Variants in TMEFF1 observed in about 807,000 individuals in gnomAD.
TMEFF1 encodes the protein tomoregulin-1.
In TMEFF1, 20 loss-of-function variants were observed where a neutral mutation model predicts 47.5. The observed-to-expected ratio is 0.42, with a 90% CI of 0.30 to 0.61. TMEFF1 has a LOEUF of 0.61. Ranked by LOEUF, TMEFF1 falls within the 20% of genes least tolerant of loss-of-function variation. The pLI is 0.19. For missense variants in TMEFF1, 411 were observed against 471.1 expected, an observed-to-expected ratio of 0.87 and a Z score of 1.18; for synonymous variants, 162 against 166.3, an observed-to-expected ratio of 0.97 and a Z score of 0.20.
At chr9:100,569,963 G>T (rs1461933315) in intron 8 of TMEFF1, among the ~76,000 whole-genome samples, 1 of 152,102 alleles carries the variant, frequency 6.6e-6, no homozygotes, top group Non-Finnish European at 1.5e-5. Flanking sequence ...CCAGTCCCTG[G>T]TAACCACTAT....
intron 1 of TMEFF1, among the ~76,000 whole-genome samples, chr9:100,487,007 A>T (rs1385675299): frequency 6.6e-6 from 1 of 152,112 alleles, no homozygotes; most frequent in Non-Finnish European, 1.5e-5. Context: ...TAAACTGCTG[A>T]TGTTGCTGTA....
chr9:100,502,727 T>A (rs1837787861), intron 2 of TMEFF1, among the ~76,000 whole-genome samples: 1 of 152,188 alleles, frequency 6.6e-6, no homozygotes, highest in Non-Finnish European at 1.5e-5. Context: ...GAAATAGCCT[T>A]TTTGACGTTT....
At position 100,576,632 on chromosome 9, in the gene TMEFF1, T is replaced by C. The variant is rs766839400; in HGVS notation, c.*32T>C. ...GACTTTTATATGTACACTGACCATG[T>C]GATGTACATTTATTATGTCTTTTTT... On this transcript the variant is annotated 3_prime_UTR_variant, in exon 10 of 10. Coordinates refer to ENST00000374879, the MANE Select transcript of TMEFF1 (RefSeq NM_003692.5). 6.4e-7 allele frequency: 1 copy of C among 1,563,248 alleles called. No homozygotes were observed.
At chr9:100,487,525 A>G (rs1298142105) in intron 1 of TMEFF1, among the ~76,000 whole-genome samples, 1 of 152,156 alleles carries the variant, frequency 6.6e-6, no homozygotes, top group Non-Finnish European at 1.5e-5. Context: ...TGTGTTTACC[A>G]TTGTTTACTT....
chr9:100,481,023 C>T (rs1837329742), intron 1 of TMEFF1, among the ~76,000 whole-genome samples: 1 of 152,154 alleles, frequency 6.6e-6, no homozygotes, highest in African/African-American at 2.4e-5. Context: ...GCACTTTTGC[C>T]TGAGGCCTTT....
chr9:100,523,367 A>G (rs915232493), intron 5 of TMEFF1, among the ~76,000 whole-genome samples: 2 of 152,080 alleles, frequency 1.3e-5, no homozygotes, highest in East Asian at 1.9e-4. Context: ...TGAAAAAGCA[A>G]CCTCTGCATA....
chr9:100,568,949 C>G (rs1839178021), intron 8 of TMEFF1, among the ~76,000 whole-genome samples: 1 of 152,086 alleles, frequency 6.6e-6, no homozygotes, highest in Admixed American at 6.6e-5. Context: ...ATGGATGACA[C>G]CACATGTTTT....
chr9:100,476,139 C>T (rs1209882875), intron 1 of TMEFF1, among the ~76,000 whole-genome samples: 2 of 151,174 alleles, frequency 1.3e-5, no homozygotes, highest in East Asian at 4.1e-4. Flanking sequence ...TGTTTTCTAG[C>T]AGTAAGATAT....
intron 8 of TMEFF1, among the ~76,000 whole-genome samples, chr9:100,563,662 TGTA>T (rs1249374614): frequency 6.6e-6 from 1 of 152,256 alleles, no homozygotes; most frequent in Admixed American, 6.5e-5. Flanking sequence ...ATACCTGGTA[TGTA>T]GTATGTACTT....
At chr9:100,520,164 T>G (rs7038306) in intron 5 of TMEFF1, among the ~76,000 whole-genome samples, 33,520 of 152,058 alleles carry the variant, frequency 0.22, 4,023 homozygotes, top group South Asian at 0.33. Flanking sequence ...TTTTATTGTA[T>G]GCCAGCTGTG....
intron 8 of TMEFF1, among the ~76,000 whole-genome samples, chr9:100,567,360 A>G (rs113546578): frequency 1.3e-5 from 2 of 150,872 alleles, no homozygotes; most frequent in African/African-American, 4.9e-5. Flanking sequence ...TAAAATTGCA[A>G]CCCTCCCTTC....
intron 8 of TMEFF1, among the ~76,000 whole-genome samples, chr9:100,566,993 C>T (rs2118563791): frequency 6.6e-6 from 1 of 152,206 alleles, no homozygotes; most frequent in South Asian, 2.1e-4. Flanking sequence ...TCAGGTGATC[C>T]ACCTGCCTTG....
chr9:100,487,826 G>A (rs1222073926), intron 1 of TMEFF1, among the ~76,000 whole-genome samples: 1 of 151,558 alleles, frequency 6.6e-6, no homozygotes, highest in Non-Finnish European at 1.5e-5. Context: ...ACTTGGTCAA[G>A]ATCATATAGT....
In TMEFF1 at chr9:100,572,608, T is replaced by A. The variant is rs767841484; in HGVS notation, c.990T>A (p.Val330=). The A allele has an allele frequency of 6.2e-7, 1 of 1,613,684 alleles. No homozygotes were observed. Among genetic ancestry groups the A allele is most frequent in the Non-Finnish European group, 8.5e-7 (1 of 1,179,748 alleles). The change falls in exon 9 of 10, where the codon GTT becomes GTA. Residue 330 remains valine, a synonymous_variant. Transcript: ENST00000374879. ...VVPSRQKLTH[V]LIAAIIGAVQ... ...CAAGTAGGCAAAAGCTCACTCATGT[T>A]CTTATTGCAGCAATTATTGGAGCTG...
At chr9:100,569,297 C>G (rs1263333195) in intron 8 of TMEFF1, among the ~76,000 whole-genome samples, 2 of 152,144 alleles carry the variant, frequency 1.3e-5, no homozygotes, top group South Asian at 4.1e-4. Flanking sequence ...TCCATGATGG[C>G]TAATGATGTT....
intron 1 of TMEFF1, among the ~76,000 whole-genome samples, chr9:100,488,263 T>C (rs1053502374): frequency 6.6e-6 from 1 of 152,218 alleles, no homozygotes; most frequent in Admixed American, 6.5e-5. Flanking sequence ...TGTCTTTTCA[T>C]ATCACTACAT....
intron 5 of TMEFF1, among the ~76,000 whole-genome samples, chr9:100,531,792 C>A (rs1027665957): frequency 2.6e-4 from 40 of 152,270 alleles, no homozygotes; most frequent in Non-Finnish European, 3.7e-4. Flanking sequence ...CAATCCTAAG[C>A]CAAAAGAACA....
At chr9:100,549,225 C>T (rs1382750295) in intron 6 of TMEFF1, among the ~76,000 whole-genome samples, 1 of 152,120 alleles carries the variant, frequency 6.6e-6, no homozygotes, top group Non-Finnish European at 1.5e-5. Flanking sequence ...AAAGAGGAAG[C>T]AGGCACATCT....
intron 8 of TMEFF1, 48 bp downstream of exon 8, chr9:100,561,568 GGTT>G: frequency 6.3e-7 from 1 of 1,582,114 alleles, no homozygotes; most frequent in Non-Finnish European, 8.6e-7. Context: ...TTTCATCAAT[GGTT>G]GTTGCTCTAT....
Sources: gnomAD v4.1 joint callset for allele counts (sites outside exome capture counted in the v4.1 genomes callset) on GRCh38, gnomAD v4.1.1 for gene constraint, MANE v1.5 for transcripts, NCBI Gene and HGNC (gene_info 2026-07-23, HGNC 2026-07-21) for gene names.